The following BCKDHB variants were observed in gnomAD, a reference collection of about 807,000 sequenced individuals.
The protein encoded by BCKDHB is branched chain keto acid dehydrogenase E1 subunit beta.
BCKDHB carries 41 observed loss-of-function variants against 48.5 expected under a neutral mutation model. The observed-to-expected ratio is 0.85, with a 90% confidence interval of 0.66 to 1.10. The LOEUF is 1.10. Among genes scored for constraint, BCKDHB ranks in the 50% least tolerant of loss-of-function variants. The pLI, the probability that BCKDHB is intolerant of heterozygous loss-of-function variation, is 0.00. For synonymous variants in BCKDHB, 201 were observed against 174.8 expected (o/e 1.15, Z -1.18); for missense variants, 496 against 494.2 (o/e 1.00, Z -0.03).
At chr6:80,378,468 T>C in the BCKDHB span, among the ~76,000 whole-genome samples, 347 of 152,194 alleles carry the variant, frequency 2.3e-3, 2 homozygotes, top group Non-Finnish European at 4.4e-3. Context: ...TGTGTGTGTG[T>C]ATATATATAA....
At chr6:80,331,134 A>G (rs1346404723) in intron 9 of BCKDHB, among the ~76,000 whole-genome samples, 4 of 152,178 alleles carry the variant, frequency 2.6e-5, no homozygotes, top group Non-Finnish European at 5.9e-5. Flanking sequence ...TAGTTGCCAT[A>G]GTGATCTAAC....
intron 8 of BCKDHB, among the ~76,000 whole-genome samples, chr6:80,260,977 T>C (rs939974194): frequency 6.6e-6 from 1 of 152,160 alleles, no homozygotes; most frequent in Non-Finnish European, 1.5e-5. Context: ...GCTTTCATAG[T>C]ATTCAAAAAG....
the BCKDHB span, among the ~76,000 whole-genome samples, chr6:80,393,628 C>A: frequency 6.6e-6 from 1 of 152,208 alleles, no homozygotes; most frequent in Non-Finnish European, 1.5e-5. Flanking sequence ...TTTGTTATAG[C>A]AGCCCAAATG....
At chr6:80,158,127 A>G (rs777807514) in intron 3 of BCKDHB, among the ~76,000 whole-genome samples, 2 of 152,168 alleles carry the variant, frequency 1.3e-5, no homozygotes, top group African/African-American at 4.8e-5. Context: ...AGAAATTTTA[A>G]TCCAGTCACT....
At chr6:80,376,166 G>A in the BCKDHB span, among the ~76,000 whole-genome samples, 1 of 152,080 alleles carries the variant, frequency 6.6e-6, no homozygotes, top group Admixed American at 6.6e-5. Context: ...CAGACTCTCT[G>A]GGTGGGGCTT....
At chr6:80,128,851 A>G (rs1770474414) in intron 2 of BCKDHB, among the ~76,000 whole-genome samples, 1 of 150,024 alleles carries the variant, frequency 6.7e-6, no homozygotes, top group African/African-American at 2.5e-5. Context: ...ATGTAAGTGA[A>G]GACACTTTTT....
intron 6 of BCKDHB, among the ~76,000 whole-genome samples, chr6:80,182,407 C>T (rs1391949758): frequency 2.0e-5 from 3 of 152,082 alleles, no homozygotes; most frequent in South Asian, 2.1e-4. Flanking sequence ...TAAGTTTGAC[C>T]GTAAGCAGAT....
chr6:80,328,931 T>C (rs181758244), intron 9 of BCKDHB, among the ~76,000 whole-genome samples: 8 of 152,266 alleles, frequency 5.3e-5, no homozygotes, highest in Non-Finnish European at 1.0e-4. Flanking sequence ...AAAAATACAA[T>C]CTTTGTGCAT....
the BCKDHB span, among the ~76,000 whole-genome samples, chr6:80,389,462 T>G: frequency 6.6e-6 from 1 of 152,142 alleles, no homozygotes; most frequent in Admixed American, 6.6e-5. Flanking sequence ...AGGGCAGAGG[T>G]TTGTCCTCCC....
intron 1 of BCKDHB, among the ~76,000 whole-genome samples, chr6:80,112,775 GGATCCAATCTTAGAGTGTCA>G (rs1441958933): frequency 1.3e-5 from 2 of 152,166 alleles, no homozygotes; most frequent in East Asian, 3.9e-4. Flanking sequence ...TTCCCCTTTG[GGATCCAATCTTAGAGTGTCA>G]GACGTCTCTG....
At chr6:80,157,255 C>T (rs779433550) in intron 3 of BCKDHB, among the ~76,000 whole-genome samples, 4 of 151,974 alleles carry the variant, frequency 2.6e-5, no homozygotes, top group African/African-American at 7.2e-5. Flanking sequence ...ATGACATAAT[C>T]CACTGATCTG....
chr6:80,391,641 G>C, the BCKDHB span, among the ~76,000 whole-genome samples: 4 of 152,130 alleles, frequency 2.6e-5, no homozygotes, highest in African/African-American at 9.7e-5. Flanking sequence ...ACAAATTTCT[G>C]TTGTTGTAAG....
At chr6:80,194,623 G>T (rs1381273680) in intron 6 of BCKDHB, among the ~76,000 whole-genome samples, 2 of 152,046 alleles carry the variant, frequency 1.3e-5, no homozygotes, top group East Asian at 1.9e-4. Context: ...GTTTCCTCAT[G>T]ATTAAACTCA....
At chr6:80,411,060 G>C in the BCKDHB span, among the ~76,000 whole-genome samples, 2 of 152,076 alleles carry the variant, frequency 1.3e-5, no homozygotes, top group African/African-American at 4.8e-5. Context: ...TTTCTCCTAT[G>C]GTTTCTTCCC....
chr6:80,317,252 T>C (rs1289363533), intron 9 of BCKDHB, among the ~76,000 whole-genome samples: 3 of 152,154 alleles, frequency 2.0e-5, no homozygotes, highest in African/African-American at 7.2e-5. Flanking sequence ...ACTTAAAGGG[T>C]ACACCCCCAA....
chr6:80,369,041 A>T, the BCKDHB span, among the ~76,000 whole-genome samples: 1 of 152,054 alleles, frequency 6.6e-6, no homozygotes, highest in Non-Finnish European at 1.5e-5. Flanking sequence ...AGAAAAGAAA[A>T]AAAATTCCAT....
chr6:80,187,809 T>C (rs1773716571), intron 6 of BCKDHB, among the ~76,000 whole-genome samples: 1 of 152,156 alleles, frequency 6.6e-6, no homozygotes, highest in South Asian at 2.1e-4. Context: ...ATAGCTATTA[T>C]TAAAAAGTCA....
At chr6:80,154,391 T>C (rs896153524) in intron 3 of BCKDHB, among the ~76,000 whole-genome samples, 4 of 152,162 alleles carry the variant, frequency 2.6e-5, no homozygotes, top group African/African-American at 9.7e-5. Context: ...CTTGATACTA[T>C]CTCTTACAAC....
intron 9 of BCKDHB, among the ~76,000 whole-genome samples, chr6:80,301,571 C>G (rs537189585): frequency 2.0e-5 from 3 of 152,168 alleles, no homozygotes; most frequent in East Asian, 3.9e-4. Context: ...CAAATTCTAC[C>G]AGACATACAA....
Sources: allele counts gnomAD v4.1 joint callset (sites outside exome capture counted in the v4.1 genomes callset), GRCh38; gene constraint gnomAD v4.1.1; transcripts MANE v1.5; gene names NCBI Gene and HGNC (gene_info 2026-07-23, HGNC 2026-07-21).